Variants in SMYD3 observed in about 807,000 individuals in gnomAD.
SMYD3 encodes SET and MYND domain containing 3.
Under a neutral mutation model 57.7 loss-of-function variants are expected in SMYD3, and 36 were observed. The ratio of observed to expected loss-of-function variants is 0.62; its 90% CI spans 0.48 to 0.82. The LOEUF (loss-of-function observed/expected upper bound fraction) is 0.82. Ranked by LOEUF, SMYD3 falls within the 40% of genes least tolerant of loss-of-function variation. SMYD3 has a pLI of 0.00. For missense variants in SMYD3, 515 were observed against 538.8 expected (o/e 0.96, Z 0.44); for synonymous variants, 211 against 195.0 (o/e 1.08, Z -0.68).
rs182686871 is a variant in SMYD3 at position 246,016,814 on chromosome 1, T to A, written c.532-86877A>T. Among the ~76,000 whole-genome samples the A allele has an allele frequency of 1.2e-3, 179 of 152,112 alleles. 1 individual carries two copies. Among genetic ancestry groups the A allele is most frequent in the Non-Finnish European group, 2.1e-3 (141 of 67,984 alleles). On this transcript the variant is annotated intron_variant, in intron 5 of 11. Transcript: ENST00000490107. The stretch of plus-strand genomic sequence containing the variant: ...GAAGCTGGAATTATGTTACCGAGAA[T>A]AAAATAGACATTGGAAAGAAATAAT...
intron 5 of SMYD3, among the ~76,000 whole-genome samples, chr1:246,161,270 G>A (rs375299776): frequency 3.3e-5 from 5 of 152,128 alleles, no homozygotes; most frequent in African/African-American, 4.8e-5. Flanking sequence ...CTTCTTCTCC[G>A]GGGCCCTACA....
At position 245,870,518 on chromosome 1, in the gene SMYD3, A is replaced by G. The variant is rs115862543; in HGVS notation, c.814-6632T>C. On this transcript the variant is annotated intron_variant, in intron 8 of 11. Coordinates refer to ENST00000490107, the MANE Select transcript of SMYD3 (RefSeq NM_001167740.2). Reference sequence around the variant, plus strand: ...GGTCCCTCGCTCCATCTATCCCTGCATGAATCAGTGAGGCCACCTACATTC... The same window carrying G: ...GGTCCCTCGCTCCATCTATCCCTGCGTGAATCAGTGAGGCCACCTACATTC... Among the ~76,000 whole-genome samples, 679 of 152,292 alleles carry G rather than the reference A, an allele frequency of 4.5e-3. 4 individuals carry two copies. The highest frequency in any genetic ancestry group is 0.015 in the African/African-American group (619 of 41,560).
intron 1 of SMYD3, among the ~76,000 whole-genome samples, chr1:246,385,547 G>GT (rs1395594152): frequency 6.6e-6 from 1 of 152,012 alleles, no homozygotes; most frequent in African/African-American, 2.4e-5. Context: ...CCCACCTTCT[G>GT]TAACTTAAAA....
At chr1:245,781,657 C>G (rs550952404) in intron 10 of SMYD3, among the ~76,000 whole-genome samples, 6 of 152,280 alleles carry the variant, frequency 3.9e-5, no homozygotes, top group Middle Eastern at 3.4e-3. Context: ...TTATAATGGT[C>G]TCCTCCAAAT....
intron 1 of SMYD3, among the ~76,000 whole-genome samples, chr1:246,368,584 A>G (rs767349621): frequency 3.9e-5 from 6 of 152,178 alleles, no homozygotes; most frequent in Non-Finnish European, 8.8e-5. Context: ...GTTAATACTG[A>G]GTGTCAACTT....
At chr1:246,412,702 C>G (rs1322066540) in intron 1 of SMYD3, among the ~76,000 whole-genome samples, 1 of 151,728 alleles carries the variant, frequency 6.6e-6, no homozygotes, top group Non-Finnish European at 1.5e-5. Context: ...ACTAAAAGTA[C>G]AAAAAATTAG....
At chr1:245,917,270 A>G (rs1173778490) in intron 7 of SMYD3, among the ~76,000 whole-genome samples, 10 of 152,162 alleles carry the variant, frequency 6.6e-5, no homozygotes, top group Non-Finnish European at 1.5e-4. Context: ...GGGCTCAAGC[A>G]ATCCTTCCTC....
At position 245,827,362 on chromosome 1, in the gene SMYD3, G is replaced by A. The variant is rs554293757; in HGVS notation, c.1076+31134C>T. ...TACATGAGGTGACACCTGTGGCTGC[G>A]CTGCCCATTAGCTACAGAGCTGGGG... On this transcript the variant is annotated intron_variant, in intron 10 of 11. Coordinates refer to ENST00000490107, the MANE Select transcript of SMYD3 (RefSeq NM_001167740.2). Among the ~76,000 whole-genome samples the A allele has an allele frequency of 5.3e-4, 80 of 152,268 alleles. 1 individual carries two copies. Among genetic ancestry groups the A allele is most frequent in the African/African-American group, 1.9e-3 (77 of 41,554 alleles).
intron 5 of SMYD3, among the ~76,000 whole-genome samples, chr1:246,244,265 A>C (rs2063667106): frequency 6.6e-6 from 1 of 152,018 alleles, no homozygotes; most frequent in Non-Finnish European, 1.5e-5. Context: ...TGTACTTTTC[A>C]CCTTTTTGAG....
intron 5 of SMYD3, among the ~76,000 whole-genome samples, chr1:246,171,788 A>G (rs2062338591): frequency 6.6e-6 from 1 of 152,214 alleles, no homozygotes; most frequent in Middle Eastern, 3.2e-3. Context: ...AGGTGGGGGA[A>G]TTGCTTGAGG....
chr1:245,924,694 A>C (rs1572703819), intron 7 of SMYD3, among the ~76,000 whole-genome samples: 3 of 117,656 alleles, frequency 2.5e-5, no homozygotes, highest in African/African-American at 3.4e-5. Flanking sequence ...ATGGAGTTTC[A>C]CTCTGTCGCC....
chr1:246,461,540 A>G lies in SMYD3; in HGVS notation c.164+45514T>C, dbSNP rs372090400. ...TATTTCCATGTGTTTTCAAAAACATATACTTGCTACTTATCTATTTGTTTT... is the reference window on the plus strand; with the variant it reads ...TATTTCCATGTGTTTTCAAAAACATGTACTTGCTACTTATCTATTTGTTTT... On this transcript the variant is annotated intron_variant, in intron 1 of 11. Transcript: ENST00000490107. 4.6e-5 allele frequency among the ~76,000 whole-genome samples: 7 copies of G among 152,258 alleles called. No homozygotes were observed. The South Asian group carries it at 1.5e-3, about 32-fold the overall frequency.
At chr1:246,378,611 T>C (rs2066318753) in intron 1 of SMYD3, among the ~76,000 whole-genome samples, 3 of 142,644 alleles carry the variant, frequency 2.1e-5, no homozygotes, top group Non-Finnish European at 4.5e-5. Flanking sequence ...CTTGTGATTG[T>C]GTGAGTTAAT....
chr1:246,125,080 A>AC (rs1306479607), intron 5 of SMYD3, among the ~76,000 whole-genome samples: 1,370 of 104,802 alleles, frequency 0.013, 23 homozygotes, highest in African/African-American at 0.035. Flanking sequence ...TCAAAAAAAA[A>AC]AAAAAAAACA....
intron 8 of SMYD3, among the ~76,000 whole-genome samples, chr1:245,905,062 G>T (rs1264961725): frequency 6.6e-6 from 1 of 151,792 alleles, no homozygotes; most frequent in Non-Finnish European, 1.5e-5. Context: ...ACTAACTGAA[G>T]AACCCTTGGG....
At chr1:246,346,423 G>A (rs145563928) in intron 2 of SMYD3, among the ~76,000 whole-genome samples, 115 of 152,218 alleles carry the variant, frequency 7.6e-4, no homozygotes, top group African/African-American at 2.3e-3. Context: ...AAGACATACT[G>A]TATTAGTACA....
chr1:245,910,587 C>T, intron 8 of SMYD3, among the ~76,000 whole-genome samples: 1 of 151,876 alleles, frequency 6.6e-6, no homozygotes, highest in East Asian at 1.9e-4. Flanking sequence ...GACATATGGA[C>T]CAATGGAACA....
At chr1:245,995,940 AG>A (rs2058921412) in intron 5 of SMYD3, among the ~76,000 whole-genome samples, 2 of 152,240 alleles carry the variant, frequency 1.3e-5, no homozygotes, top group South Asian at 4.1e-4. Flanking sequence ...CCACCACACC[AG>A]TGGAAAGACA....
intron 7 of SMYD3, among the ~76,000 whole-genome samples, chr1:245,920,002 A>C (rs1285784356): frequency 3.3e-5 from 5 of 152,220 alleles, no homozygotes; most frequent in Admixed American, 3.3e-4. Context: ...TTCATTGTCT[A>C]CAACTGAGTG....
Sources: gnomAD v4.1 joint callset for allele counts (sites outside exome capture counted in the v4.1 genomes callset) on GRCh38, gnomAD v4.1.1 for gene constraint, MANE v1.5 for transcripts, NCBI Gene and HGNC (gene_info 2026-07-23, HGNC 2026-07-21) for gene names.